PCDHGA6: variants seen among roughly 807,000 people sequenced by gnomAD.
PCDHGA6 encodes the protein protocadherin gamma subfamily A, 6.
A neutral mutation model predicts 60.6 loss-of-function variants in PCDHGA6; 41 were observed. That is an observed-to-expected ratio of 0.68 (90% CI 0.53 to 0.88). The LOEUF (loss-of-function observed/expected upper bound fraction) is 0.88, where lower values mean the gene tolerates loss of function less well. Among genes scored for constraint, PCDHGA6 ranks in the 40% least tolerant of loss-of-function variants. PCDHGA6 has a pLI of 0.00. For missense variants in PCDHGA6, 1,312 were observed against 1,203.0 expected, an observed-to-expected ratio of 1.09 and a Z score of -1.34; for synonymous variants, 594 against 524.4, an observed-to-expected ratio of 1.13 and a Z score of -1.81.
intron 1 of PCDHGA6, chr5:141,410,657 G>A: frequency 1.9e-6 from 3 of 1,579,248 alleles, no homozygotes; most frequent in Non-Finnish European, 2.6e-6. Flanking sequence ...TTATCTAATA[G>A]TCTACTAGTT....
chr5:141,394,778 C>A (rs377451053), intron 1 of PCDHGA6: 82 of 1,613,634 alleles, frequency 5.1e-5, no homozygotes, highest in Admixed American at 3.7e-4. Context: ...CCCCTCTCTC[C>A]GCCACTGTCA....
At chr5:141,407,980 C>T in intron 1 of PCDHGA6, 1 of 760,358 alleles carries the variant, frequency 1.3e-6, no homozygotes, top group Non-Finnish European at 2.0e-6. Context: ...CGCCGGGGAT[C>T]CGTCAGCCTC....
intron 1 of PCDHGA6, chr5:141,405,045 C>T (rs757899891): frequency 6.2e-7 from 1 of 1,613,918 alleles, no homozygotes. Context: ...GTGGCTGTGG[C>T]AGTCGTCTCC....
intron 1 of PCDHGA6, chr5:141,392,918 G>T (rs1177755274): frequency 1.2e-6 from 2 of 1,613,794 alleles, no homozygotes; most frequent in African/African-American, 2.7e-5. Flanking sequence ...GCTACTCTGT[G>T]CCAGAAGAGA....
chr5:141,381,093 A>T (rs1776980252), intron 1 of PCDHGA6, among the ~76,000 whole-genome samples: 1 of 152,266 alleles, frequency 6.6e-6, no homozygotes, highest in Admixed American at 6.5e-5. Flanking sequence ...AGATCAAAAC[A>T]GAATGTCCTT....
intron 1 of PCDHGA6, among the ~76,000 whole-genome samples, chr5:141,449,007 T>A (rs937327801): frequency 3.3e-5 from 5 of 152,116 alleles, no homozygotes; most frequent in African/African-American, 1.2e-4. Context: ...CTGTTTTTTT[T>A]AACAGTTGCT....
In PCDHGA6 at chr5:141,375,005, G is replaced by T; in HGVS notation, c.922G>T (p.Asp308Tyr). 2 of 1,614,010 alleles carry T rather than the reference G, an allele frequency of 1.2e-6. No individual in the cohort carries two copies. The highest frequency in any genetic ancestry group is 1.7e-6 in the Non-Finnish European group (2 of 1,179,894). Residue 308 changes from aspartate (D) to tyrosine (Y), a missense_variant, in exon 1 of 4, where the codon GAC becomes TAC. Asp to Tyr is a radical substitution (Grantham distance 160). Coordinates refer to ENST00000517434, the MANE Select transcript of PCDHGA6 (RefSeq NM_018919.3). ...TGEISTSANL[D>Y]YEDSSFYELG... Reference sequence around the variant, plus strand: ...AGAAATTTCAACTTCTGCAAATCTAGACTATGAGGACTCGAGTTTTTATGA... The same window carrying T: ...AGAAATTTCAACTTCTGCAAATCTATACTATGAGGACTCGAGTTTTTATGA...
intron 1 of PCDHGA6, among the ~76,000 whole-genome samples, chr5:141,451,830 G>A (rs940668278): frequency 6.6e-5 from 10 of 151,238 alleles, no homozygotes; most frequent in East Asian, 1.9e-4. Flanking sequence ...ACAGTGAGCC[G>A]AGATCACACC....
At chr5:141,455,860 A>ATTAT (rs145569377) in intron 1 of PCDHGA6, among the ~76,000 whole-genome samples, 7,190 of 139,786 alleles carry the variant, frequency 0.051, 228 homozygotes, top group South Asian at 0.064. Context: ...AATTTCTTTT[A>ATTAT]TTATTTATTT....
At chr5:141,413,407 CTT>C (rs758693256) in intron 1 of PCDHGA6, 1 of 1,613,926 alleles carries the variant, frequency 6.2e-7, no homozygotes, top group Non-Finnish European at 8.5e-7. Context: ...TAGGACGCAG[CTT>C]TTCTCTCTGA....
At chr5:141,380,251 G>C (rs1158039296) in intron 1 of PCDHGA6, among the ~76,000 whole-genome samples, 1 of 152,122 alleles carries the variant, frequency 6.6e-6, no homozygotes, top group Non-Finnish European at 1.5e-5. Context: ...AATTGTCAAA[G>C]GGGAAGGAGT....
rs1410419839 is a variant in PCDHGA6 at position 141,429,391 on chromosome 5, A to ATTTT, written c.2424+52884_2424+52885insTTTT. Among the ~76,000 whole-genome samples, 380 of 151,312 alleles carry ATTTT rather than the reference A, an allele frequency of 2.5e-3. 1 individual carries two copies. The highest frequency in any genetic ancestry group is 4.2e-3 in the South Asian group (20 of 4,768). On this transcript the variant is annotated intron_variant, in intron 1 of 3. Coordinates refer to ENST00000517434, the MANE Select transcript of PCDHGA6 (RefSeq NM_018919.3). The stretch of plus-strand genomic sequence containing the variant: ...GGAGAAAATGTGTTTTTTTTTTAAA[A>ATTTT]AAAATTGAGATTAAGGTCTCATTAT...
intron 1 of PCDHGA6, chr5:141,415,744 T>TTTG (rs2095926305): frequency 2.5e-6 from 1 of 404,416 alleles, no homozygotes; most frequent in South Asian, 6.6e-5. Context: ...ATTAAGGTTT[T>TTTG]TTTTTTTTTT....
intron 1 of PCDHGA6, chr5:141,390,154 C>A: frequency 6.2e-7 from 1 of 1,614,038 alleles, no homozygotes; most frequent in African/African-American, 1.3e-5. Flanking sequence ...GTTGCACATA[C>A]AGGAAAGACG....
chr5:141,423,865 T>G, intron 1 of PCDHGA6: 1 of 1,285,992 alleles, frequency 7.8e-7, no homozygotes, highest in Non-Finnish European at 9.9e-7. Flanking sequence ...TTTGTGAAAG[T>G]CATTTTTCAA....
chr5:141,433,651 C>T (rs905489069), intron 1 of PCDHGA6, among the ~76,000 whole-genome samples: 3 of 152,064 alleles, frequency 2.0e-5, no homozygotes, highest in Non-Finnish European at 2.9e-5. Context: ...GCCTGACCAA[C>T]ATGGAGAAAC....
chr5:141,383,761 C>G (rs923900490), intron 1 of PCDHGA6: 15 of 1,613,834 alleles, frequency 9.3e-6, no homozygotes, highest in Non-Finnish European at 1.1e-5. Flanking sequence ...AACTCCTAAA[C>G]TTCCAAAGAT....
In PCDHGA6 at chr5:141,489,597, A is replaced by G; in HGVS notation, c.2425-5210A>G. 6.2e-7 allele frequency: 1 copy of G among 1,614,100 alleles called. No individual in the cohort carries two copies. The highest frequency in any genetic ancestry group is 1.3e-5 in the African/African-American group (1 of 75,040). ...AACACCCCCTGGAGCTAATCCGTGTAGAGGTAGAGATCCTGGATCTCAATG... is the reference window on the plus strand; with the variant it reads ...AACACCCCCTGGAGCTAATCCGTGTGGAGGTAGAGATCCTGGATCTCAATG... On this transcript the variant is annotated intron_variant, in intron 1 of 3. Transcript: ENST00000517434. The surrounding 1 kb of genome is among the most constrained non-coding windows in gnomAD (Gnocchi z 4.5).
At chr5:141,474,756 T>C (rs2099354156) in intron 1 of PCDHGA6, among the ~76,000 whole-genome samples, 1 of 152,244 alleles carries the variant, frequency 6.6e-6, no homozygotes, top group Non-Finnish European at 1.5e-5. Flanking sequence ...AAGACAAATA[T>C]ACAGAAATAG....
Sources: gnomAD v4.1 joint callset for allele counts (sites outside exome capture counted in the v4.1 genomes callset) on GRCh38, gnomAD v4.1.1 for gene constraint, Gnocchi (gnomAD v3.1) non-coding constraint, MANE v1.5 for transcripts, NCBI Gene and HGNC (gene_info 2026-07-23, HGNC 2026-07-21) for gene names.